Variants in FRRS1 observed in about 807,000 individuals in gnomAD.
The protein encoded by FRRS1 is ferric chelate reductase 1.
A neutral mutation model predicts 70.7 loss-of-function variants in FRRS1; 51 were observed. The ratio of observed to expected loss-of-function variants is 0.72; its 90% CI spans 0.58 to 0.91. The LOEUF is 0.91. Among genes scored for constraint, FRRS1 ranks in the 40% least tolerant of loss-of-function variants. The pLI is 0.00. For synonymous variants in FRRS1, 225 were observed against 238.7 expected, an observed-to-expected ratio of 0.94 and a Z score of 0.53; for missense variants, 672 against 726.0, an observed-to-expected ratio of 0.93 and a Z score of 0.86.
Position 99,747,316 on chromosome 1 carries a change from A to G in FRRS1, c.311T>C (p.Leu104Pro). 1 of 1,613,794 alleles carries G rather than the reference A, an allele frequency of 6.2e-7. No individual in the cohort carries two copies. The highest frequency in any genetic ancestry group is 8.5e-7 in the Non-Finnish European group (1 of 1,179,866). ...AACCTGTATATCTTCACAGGTCAAA[A>G]GTTGTGACACTTCACTGTCAATCAA... ...FTLIDSEVSQ[L>P]LTCEDIQGSA... Residue 104 changes from leucine to proline, a missense_variant, in exon 4 of 17, where the codon CTT becomes CCT. Transcript: ENST00000646001.
chr1:99,745,481 C>T (rs762526340), intron 4 of FRRS1, among the ~76,000 whole-genome samples: 6 of 151,968 alleles, frequency 3.9e-5, no homozygotes, highest in African/African-American at 1.5e-4. Context: ...GTCAGGAGTT[C>T]GAGACCAGCC....
intron 7 of FRRS1, among the ~76,000 whole-genome samples, chr1:99,731,372 C>T (rs571100436): frequency 6.6e-6 from 1 of 152,298 alleles, no homozygotes; most frequent in East Asian, 1.9e-4. Context: ...TCAGATTCAA[C>T]TTTATTTTTA....
chr1:99,732,316 C>T (rs537660895), intron 7 of FRRS1, among the ~76,000 whole-genome samples: 2 of 152,136 alleles, frequency 1.3e-5, no homozygotes, highest in Non-Finnish European at 2.9e-5. Flanking sequence ...GCTCTCTCCC[C>T]AGTTTGCCCC....
Position 99,748,948 on chromosome 1 carries a change from T to C in FRRS1, c.-52A>G. On this transcript the variant is annotated 5_prime_UTR_variant, in exon 2 of 17. Coordinates refer to ENST00000646001, the MANE Select transcript of FRRS1 (RefSeq NM_001361041.2). Reference sequence around the variant, plus strand: ...GTTTCACCCGAATTTCAATCTCAGCTCTACAAATTACTGTGAGACTTTGGG... The same window carrying C: ...GTTTCACCCGAATTTCAATCTCAGCCCTACAAATTACTGTGAGACTTTGGG... 1 of 514,762 alleles carries C rather than the reference T, an allele frequency of 1.9e-6. No individual in the cohort carries two copies. Among genetic ancestry groups the C allele is most frequent in the East Asian group, 3.2e-5 (1 of 31,738 alleles). 31.9% of individuals were successfully genotyped at this position (514,762 alleles called of 1,614,324 possible).
chr1:99,747,541 G>A (rs541186642), intron 3 of FRRS1, 111 bp from the exon 4 acceptor site: 2 of 1,003,446 alleles, frequency 2.0e-6, no homozygotes, highest in Admixed American at 2.7e-5. Context: ...AAGTACTCCT[G>A]GAGAGAAAAC....
In FRRS1 at chr1:99,748,961, G is replaced by T; in HGVS notation, c.-65C>A. 2.1e-6 allele frequency: 1 copy of T among 483,238 alleles called. No homozygotes were observed. The highest frequency in any genetic ancestry group is 3.4e-5 in the East Asian group (1 of 29,504). The allele number at this position is 483,238 out of a possible 1,614,324, so 29.9% of individuals were successfully genotyped here. On this transcript the variant is annotated 5_prime_UTR_variant, in exon 2 of 17. Coordinates refer to ENST00000646001, the MANE Select transcript of FRRS1 (RefSeq NM_001361041.2). ...TTCAATCTCAGCTCTACAAATTACTGTGAGACTTTGGGCAAATCATTTAAT... is the reference window on the plus strand; with the variant it reads ...TTCAATCTCAGCTCTACAAATTACTTTGAGACTTTGGGCAAATCATTTAAT...
chr1:99,722,654 T>C (rs1654894675), intron 9 of FRRS1, among the ~76,000 whole-genome samples: 1 of 152,346 alleles, frequency 6.6e-6, no homozygotes, highest in Middle Eastern at 3.4e-3. Flanking sequence ...CACACATTCA[T>C]ATGAATTCTT....
intron 1 of FRRS1, among the ~76,000 whole-genome samples, chr1:99,750,647 T>C (rs1433038328): frequency 2.1e-5 from 3 of 145,774 alleles, no homozygotes; most frequent in African/African-American, 7.9e-5. Context: ...AGCCCGAAGA[T>C]ATCTCAATAG....
At chr1:99,761,759 G>T (rs1392151387) in intron 1 of FRRS1, among the ~76,000 whole-genome samples, 1 of 151,498 alleles carries the variant, frequency 6.6e-6, no homozygotes, top group Non-Finnish European at 1.5e-5. Context: ...TGTTTTTACT[G>T]GTATGGAAAC....
At chr1:99,723,412 G>A (rs924171347) in intron 9 of FRRS1, among the ~76,000 whole-genome samples, 6 of 152,132 alleles carry the variant, frequency 3.9e-5, no homozygotes, top group African/African-American at 1.4e-4. Context: ...AGCTACTAGG[G>A]AGGCAGAGGT....
intron 7 of FRRS1, among the ~76,000 whole-genome samples, chr1:99,730,553 C>A (rs1655305167): frequency 6.6e-6 from 1 of 152,016 alleles, no homozygotes; most frequent in African/African-American, 2.4e-5. Flanking sequence ...GAGACTTCAT[C>A]CTAAAAAAAA....
intron 8 of FRRS1, 84 bp from the exon 9 acceptor site, chr1:99,728,724 G>T: frequency 8.4e-7 from 1 of 1,186,260 alleles, no homozygotes; most frequent in Non-Finnish European, 1.2e-6. Flanking sequence ...GCCCTGTTCA[G>T]TTTCCTTTCT....
chr1:99,725,616 G>T (rs1655048220), intron 9 of FRRS1, among the ~76,000 whole-genome samples: 1 of 152,192 alleles, frequency 6.6e-6, no homozygotes, highest in African/African-American at 2.4e-5. Context: ...CACCACAGAG[G>T]AGCCAAGACA....
At chr1:99,730,313 T>C (rs1655293401) in intron 7 of FRRS1, among the ~76,000 whole-genome samples, 1 of 152,190 alleles carries the variant, frequency 6.6e-6, no homozygotes, top group Non-Finnish European at 1.5e-5. Flanking sequence ...TTTAATGTTA[T>C]ATAACTGAGG....
At chr1:99,742,088 C>T in intron 5 of FRRS1, 91 bp downstream of exon 5, 2 of 780,728 alleles carry the variant, frequency 2.6e-6, no homozygotes, top group South Asian at 1.6e-5. Flanking sequence ...ATCCTGGGCT[C>T]AAGTGATCCA....
At position 99,716,218 on chromosome 1, in the gene FRRS1, A is replaced by G. The variant is rs148355007; in HGVS notation, c.1237-546T>C. On this transcript the variant is annotated intron_variant, in intron 11 of 16. Coordinates refer to ENST00000646001, the MANE Select transcript of FRRS1 (RefSeq NM_001361041.2). ...AGGATAACTGGTGCAGACCAAAACT[A>G]TCTTGGGGAAAGTAGGAAGCACCCT... Among the ~76,000 whole-genome samples the G allele has an allele frequency of 5.5e-3, 831 of 152,354 alleles. 6 individuals are homozygous for G. The highest frequency in any genetic ancestry group is 0.019 in the African/African-American group (789 of 41,580).
rs1286853210 is a variant in FRRS1 at position 99,712,446 on chromosome 1, C to T, written c.1393G>A (p.Val465Ile). Residue 465 changes from valine to isoleucine, a missense_variant, in exon 13 of 17, where the codon GTC becomes ATC. Physicochemically the swap from Val to Ile is conservative, Grantham distance 29 (BLOSUM62 3). Transcript: ENST00000646001. The part of the protein sequence containing the change: ...TLAVLQPLLA[V>I]FRPPLHDPRR... ...GGGTCATGTAAAGGTGGCCTGAAGACTGCCAGAAGAGGCTGAAGAACTGCC... is the reference window on the plus strand; with the variant it reads ...GGGTCATGTAAAGGTGGCCTGAAGATTGCCAGAAGAGGCTGAAGAACTGCC... 6.2e-7 allele frequency: 1 copy of T among 1,612,936 alleles called. No homozygotes were observed. Among genetic ancestry groups the T allele is most frequent in the Non-Finnish European group, 8.5e-7 (1 of 1,179,362 alleles).
At chr1:99,725,757 G>C (rs1389341805) in intron 9 of FRRS1, among the ~76,000 whole-genome samples, 1 of 152,172 alleles carries the variant, frequency 6.6e-6, no homozygotes, top group East Asian at 1.9e-4. Flanking sequence ...TCACTTAAAA[G>C]AAAACATGTT....
In FRRS1 at chr1:99,710,801, G is replaced by T. The variant is rs753770644; in HGVS notation, c.1624+5C>A. On this transcript the variant is annotated splice_donor_5th_base_variant and intron_variant, in intron 15 of 16. Coordinates refer to ENST00000646001, the MANE Select transcript of FRRS1 (RefSeq NM_001361041.2). ...CTACATAACATGGCTTTTTTACCAG[G>T]TTACCTTTGCGAGAGAGCCGATAAG... The T allele has an allele frequency of 4.3e-6, 7 of 1,612,594 alleles. No individual in the cohort carries two copies. In the East Asian group the frequency reaches 1.3e-4, roughly 31 times the overall value.
Sources: allele counts gnomAD v4.1 joint callset (sites outside exome capture counted in the v4.1 genomes callset), GRCh38; gene constraint gnomAD v4.1.1; transcripts MANE v1.5; gene names NCBI Gene and HGNC (gene_info 2026-07-23, HGNC 2026-07-21).